ALG9: variants seen among roughly 807,000 people sequenced by gnomAD.
ALG9 encodes ALG9 alpha-1,2-mannosyltransferase.
A neutral mutation model predicts 81.8 loss-of-function variants in ALG9; 55 were observed. The ratio of observed to expected loss-of-function variants is 0.67; its 90% CI spans 0.54 to 0.84. ALG9 has a LOEUF of 0.84. Ranked by LOEUF, ALG9 falls within the 40% of genes least tolerant of loss-of-function variation. The pLI, the probability that ALG9 is intolerant of heterozygous loss-of-function variation, is 0.00. For missense variants in ALG9, 629 were observed against 745.0 expected, an observed-to-expected ratio of 0.84 and a Z score of 1.81; for synonymous variants, 278 against 274.3, an observed-to-expected ratio of 1.01 and a Z score of -0.13.
intron 4 of ALG9, chr11:111,864,419 A>G (rs1377755461): frequency 2.6e-6 from 2 of 764,190 alleles, no homozygotes; most frequent in African/African-American, 1.7e-5. Context: ...ATCTTCAAGT[A>G]CAAATCCCTT....
chr11:111,858,284 TG>T (rs1227299387), intron 5 of ALG9, among the ~76,000 whole-genome samples: 6 of 152,082 alleles, frequency 3.9e-5, no homozygotes, highest in Non-Finnish European at 7.4e-5. Context: ...ATTCTAACCA[TG>T]TAATTCCTCT....
In ALG9 at chr11:111,870,331, T is replaced by C. The variant is rs1323307679; in HGVS notation, c.171A>G (p.Glu57=). The part of the protein sequence containing the change: ...GNKAGQVWAP[E]GSTAFKCLLS... ...GCAGACACTTGAAAGCAGTAGATCCTTCAGGTGCCCAGACTTGTCCTGCTT... is the reference window on the plus strand; with the variant it reads ...GCAGACACTTGAAAGCAGTAGATCCCTCAGGTGCCCAGACTTGTCCTGCTT... Residue 57 remains glutamate, a synonymous_variant, in exon 2 of 15, where the codon GAA becomes GAG. Transcript: ENST00000616540. The C allele has an allele frequency of 1.9e-5, 31 of 1,605,024 alleles. No homozygotes were observed. Among genetic ancestry groups the C allele is most frequent in the Middle Eastern group, 3.4e-4 (2 of 5,922 alleles).
intron 14 of ALG9, among the ~76,000 whole-genome samples, chr11:111,808,431 C>T (rs1432270761): frequency 2.0e-5 from 3 of 152,190 alleles, no homozygotes; most frequent in Non-Finnish European, 4.4e-5. Context: ...GCATCTCAGC[C>T]TTCCTGCTAG....
At chr11:111,865,457 T>C (rs531154330) in intron 3 of ALG9, among the ~76,000 whole-genome samples, 4 of 152,108 alleles carry the variant, frequency 2.6e-5, no homozygotes, top group Non-Finnish European at 5.9e-5. Context: ...GGTTGGGAGG[T>C]AGAGCTCCAT....
chr11:111,871,025 G>A, intron 1 of ALG9: 4 of 1,069,782 alleles, frequency 3.7e-6, no homozygotes, highest in Non-Finnish European at 4.5e-6. Context: ...AATAAAAGGA[G>A]CTGTGAGGAA....
Position 111,785,038 on chromosome 11 carries a change from T to C in ALG9, c.*1359A>G, listed in dbSNP as rs797029711. On this transcript the variant is annotated 3_prime_UTR_variant, in exon 15 of 15. Transcript: ENST00000616540. ...TAAAATAGAAAGTTACAATATCAGT[T>C]AGGTCTCTGGTTAACCTCATCAGTC... 16 of 152,764 alleles carry C rather than the reference T, an allele frequency of 1.0e-4. No homozygotes were observed. Among genetic ancestry groups the C allele is most frequent in the African/African-American group, 3.6e-4 (15 of 41,574 alleles). The allele number at this position is 152,764 out of a possible 1,614,324, so 9.5% of individuals were successfully genotyped here. A position where few individuals can be genotyped will look rare whatever the true frequency, so the allele number is the denominator to read the frequency against.
intron 14 of ALG9, among the ~76,000 whole-genome samples, chr11:111,790,388 T>C (rs1238474840): frequency 2.0e-5 from 3 of 152,094 alleles, no homozygotes; most frequent in African/African-American, 4.8e-5. Flanking sequence ...GTTCCTGTAA[T>C]CCTGGGTACA....
chr11:111,802,541 T>TA (rs2136330372), intron 14 of ALG9, among the ~76,000 whole-genome samples: 1 of 152,352 alleles, frequency 6.6e-6, no homozygotes, highest in Non-Finnish European at 1.5e-5. Flanking sequence ...TGAGGTATCT[T>TA]ACTGCAGTGA....
intron 6 of ALG9, 93 bp downstream of exon 6, chr11:111,857,509 T>C: frequency 6.4e-7 from 1 of 1,558,116 alleles, no homozygotes; most frequent in South Asian, 1.1e-5. Context: ...ATTGATTAAC[T>C]TCAGATTCTA....
intron 6 of ALG9, among the ~76,000 whole-genome samples, chr11:111,856,093 A>G (rs1252175954): frequency 1.3e-5 from 2 of 152,088 alleles, no homozygotes; most frequent in African/African-American, 4.8e-5. Context: ...CCTGGCCAAT[A>G]TGGTAAAACC....
intron 13 of ALG9, among the ~76,000 whole-genome samples, chr11:111,833,312 T>G (rs1339230266): frequency 6.6e-6 from 1 of 152,176 alleles, no homozygotes; most frequent in Admixed American, 6.5e-5. Context: ...GCAGAAAATC[T>G]TGGCAATCTT....
the ALG9 span, among the ~76,000 whole-genome samples, chr11:111,774,058 C>T: frequency 2.2e-5 from 3 of 133,984 alleles, no homozygotes; most frequent in Admixed American, 7.9e-5. Flanking sequence ...CCATACCAAG[C>T]CATATCTTAT....
intron 13 of ALG9, among the ~76,000 whole-genome samples, chr11:111,832,505 G>A (rs982401542): frequency 5.9e-5 from 9 of 152,136 alleles, no homozygotes; most frequent in Middle Eastern, 3.4e-3. Flanking sequence ...CTAGCCTCAA[G>A]CTATCCTCCT....
chr11:111,826,253 G>C (rs1227297035), intron 13 of ALG9, among the ~76,000 whole-genome samples: 2 of 151,428 alleles, frequency 1.3e-5, no homozygotes, highest in Non-Finnish European at 2.9e-5. Context: ...GGGTATGGTG[G>C]TGCAGGTCCA....
chr11:111,840,347 T>C (rs1221872204), intron 10 of ALG9, among the ~76,000 whole-genome samples: 1 of 152,188 alleles, frequency 6.6e-6, no homozygotes, highest in Non-Finnish European at 1.5e-5. Context: ...TGTTATGATC[T>C]AGCAGTTCAA....
In ALG9 at chr11:111,784,436, G is replaced by C. The variant is rs1272340565; in HGVS notation, c.*1961C>G. 1 of 152,226 alleles carries C rather than the reference G, an allele frequency of 6.6e-6. No individual in the cohort carries two copies. The highest frequency in any genetic ancestry group is 1.9e-4 in the East Asian group (1 of 5,196). The allele number at this position is 152,226 out of a possible 1,614,324, so 9.4% of individuals were successfully genotyped here. A position where few individuals can be genotyped will look rare whatever the true frequency, so the allele number is the denominator to read the frequency against. On this transcript the variant is annotated 3_prime_UTR_variant, in exon 15 of 15. Coordinates refer to ENST00000616540, the MANE Select transcript of ALG9 (RefSeq NM_024740.2). The stretch of plus-strand genomic sequence containing the variant: ...CCTTCTCTTTGAAAATGAAAGATGG[G>C]GCTGGGTGCGGTGGCTCACGCCTGT...
At chr11:111,868,298 T>G (rs542034262) in intron 3 of ALG9, among the ~76,000 whole-genome samples, 1 of 152,316 alleles carries the variant, frequency 6.6e-6, no homozygotes, top group African/African-American at 2.4e-5. Flanking sequence ...CACCGTACAT[T>G]GTACTTTTCC....
chr11:111,822,024 T>C (rs945742647), intron 13 of ALG9, among the ~76,000 whole-genome samples: 2 of 152,176 alleles, frequency 1.3e-5, no homozygotes, highest in Non-Finnish European at 2.9e-5. Context: ...GACTTCGAGA[T>C]AGATACAGGT....
At position 111,827,435 on chromosome 11, in the gene ALG9, A is replaced by G. The variant is rs117674357; in HGVS notation, c.1602+8730T>C. 6.6e-3 allele frequency among the ~76,000 whole-genome samples: 1,006 copies of G among 152,278 alleles called. 6 individuals carry two copies. The highest frequency in any genetic ancestry group is 0.051 in the Middle Eastern group (15 of 294). On this transcript the variant is annotated intron_variant, in intron 13 of 14. Transcript: ENST00000616540. ...AGGTTGCAGTGGGTCGAGATGGGCA[A>G]TAAGAGTGAAAGTCTCAAAAGAAGG...
Sources: gnomAD v4.1 joint callset for allele counts (sites outside exome capture counted in the v4.1 genomes callset) on GRCh38, gnomAD v4.1.1 for gene constraint, MANE v1.5 for transcripts, NCBI Gene and HGNC (gene_info 2026-07-23, HGNC 2026-07-21) for gene names.